The following DPF3 variants were observed in gnomAD, a reference collection of about 807,000 sequenced individuals.
The protein encoded by DPF3 is double PHD fingers 3.
A neutral mutation model predicts 56.8 loss-of-function variants in DPF3; 18 were observed. The observed-to-expected ratio is 0.32, with a 90% CI of 0.22 to 0.47. DPF3 has a LOEUF of 0.47. DPF3 is among the 20% of genes least tolerant of loss of function. The pLI, the probability that DPF3 is intolerant of heterozygous loss-of-function variation, is 1.00. For missense variants in DPF3, 403 were observed against 488.8 expected (o/e 0.82, Z 1.65); for synonymous variants, 188 against 180.2 (o/e 1.04, Z -0.35).
chr14:72,676,371 C>T (rs1886908628), intron 7 of DPF3, among the ~76,000 whole-genome samples: 3 of 152,224 alleles, frequency 2.0e-5, no homozygotes, highest in African/African-American at 7.2e-5. Context: ...CTATAATTTT[C>T]AATTTCCTCC....
intron 1 of DPF3, among the ~76,000 whole-genome samples, chr14:72,797,684 C>G (rs1323973108): frequency 1.3e-5 from 2 of 152,122 alleles, no homozygotes; most frequent in African/African-American, 4.8e-5. Flanking sequence ...TCTTCCTAGC[C>G]AACATCCTTT....
chr14:72,643,458 G>A (rs762436502), intron 8 of DPF3, among the ~76,000 whole-genome samples: 15 of 152,246 alleles, frequency 9.9e-5, no homozygotes, highest in Non-Finnish European at 2.1e-4. Context: ...CCCTGGGGAA[G>A]AATTGCTCAG....
chr14:72,714,545 C>T, intron 5 of DPF3, 44 bp from the exon 6 acceptor site: 4 of 1,608,068 alleles, frequency 2.5e-6, no homozygotes, highest in Middle Eastern at 1.7e-4. Flanking sequence ...CCATGGTCAT[C>T]ACTACAGCTC....
At chr14:72,719,480 T>C (rs763796435) in intron 5 of DPF3, among the ~76,000 whole-genome samples, 2 of 152,188 alleles carry the variant, frequency 1.3e-5, no homozygotes, top group Non-Finnish European at 2.9e-5. Flanking sequence ...TCAGAATTTG[T>C]ATTTTAACAA....
At chr14:72,856,604 G>A (rs372895798) in intron 1 of DPF3, among the ~76,000 whole-genome samples, 1 of 152,338 alleles carries the variant, frequency 6.6e-6, no homozygotes, top group Non-Finnish European at 1.5e-5. Flanking sequence ...ATAATATTTT[G>A]AAAAGAGCAC....
chr14:72,646,801 C>T (rs1227951295), intron 8 of DPF3, among the ~76,000 whole-genome samples: 4 of 152,220 alleles, frequency 2.6e-5, no homozygotes, highest in Non-Finnish European at 5.9e-5. Context: ...TTTGGCGACC[C>T]GGCTGCTCTC....
chr14:72,621,650 G>C (rs749416510), intron 9 of DPF3, among the ~76,000 whole-genome samples: 1 of 152,206 alleles, frequency 6.6e-6, no homozygotes. Context: ...GATACCCAGT[G>C]GGGGAGAGGT....
rs79916797 is a variant in DPF3 at position 72,880,907 on chromosome 14, A to G, written c.32+13150T>C. 1.3e-3 allele frequency among the ~76,000 whole-genome samples: 195 copies of G among 152,318 alleles called. 8 individuals are homozygous for G. The South Asian group carries it at 0.035, about 27-fold the overall frequency. On this transcript the variant is annotated intron_variant, in intron 1 of 10. Transcript: ENST00000556509. ...GGAATAGGCATGAGAAGGGGAACTG[A>G]GGGTTAAAGGAGAAGGCAGCCTCCA...
At chr14:72,645,645 T>C (rs1031059695) in intron 8 of DPF3, among the ~76,000 whole-genome samples, 3 of 152,216 alleles carry the variant, frequency 2.0e-5, no homozygotes, top group African/African-American at 2.4e-5. Context: ...GCCTGCAGCA[T>C]GAAGTAAGCT....
chr14:72,784,452 T>C (rs1173448102), intron 1 of DPF3, among the ~76,000 whole-genome samples: 2 of 152,160 alleles, frequency 1.3e-5, no homozygotes, highest in East Asian at 3.8e-4. Flanking sequence ...GGAAATCTCA[T>C]TTTCTTCTCA....
chr14:72,765,819 CAGG>C (rs1196523685), intron 2 of DPF3, among the ~76,000 whole-genome samples: 1 of 152,054 alleles, frequency 6.6e-6, no homozygotes, highest in Non-Finnish European at 1.5e-5. Flanking sequence ...GAGGCTGAGG[CAGG>C]AGAATGGCGT....
intron 1 of DPF3, among the ~76,000 whole-genome samples, chr14:72,794,483 A>C (rs1892559188): frequency 6.6e-6 from 1 of 152,232 alleles, no homozygotes; most frequent in African/African-American, 2.4e-5. Context: ...CGGGGTCAGC[A>C]GTCAGAAGCA....
At chr14:72,650,178 G>C (rs1273023063) in intron 8 of DPF3, among the ~76,000 whole-genome samples, 1 of 152,078 alleles carries the variant, frequency 6.6e-6, no homozygotes. Context: ...TGGGGATGAG[G>C]GGGGACTGCT....
At chr14:72,650,617 T>C (rs993973251) in intron 8 of DPF3, among the ~76,000 whole-genome samples, 1 of 152,238 alleles carries the variant, frequency 6.6e-6, no homozygotes, top group Non-Finnish European at 1.5e-5. Flanking sequence ...CAGCCAATGC[T>C]GTGACCAGCG....
Position 72,614,133 on chromosome 14 carries a change from C to T in DPF3, c.*5164G>A, listed in dbSNP as rs1013122436. 4.6e-5 allele frequency among the ~76,000 whole-genome samples: 7 copies of T among 152,192 alleles called. No individual in the cohort carries two copies. Among genetic ancestry groups the T allele is most frequent in the African/African-American group, 1.7e-4 (7 of 41,450 alleles). ...CCACACTCAGGGCTGGTGGCCGTGG[C>T]CTCTGGCAGAGAATCATAAGCAGAC... On this transcript the variant is annotated 3_prime_UTR_variant, in exon 11 of 11. Coordinates refer to ENST00000556509, the MANE Select transcript of DPF3 (RefSeq NM_001280542.3).
chr14:72,626,925 C>CTTT (rs201737812), intron 9 of DPF3, among the ~76,000 whole-genome samples: 32 of 139,770 alleles, frequency 2.3e-4, no homozygotes, highest in African/African-American at 6.5e-4. Flanking sequence ...TGCATTTGAA[C>CTTT]TTTTTTTTTT....
chr14:72,803,802 G>A (rs1045819298), intron 1 of DPF3, among the ~76,000 whole-genome samples: 1 of 152,200 alleles, frequency 6.6e-6, no homozygotes, highest in Non-Finnish European at 1.5e-5. Context: ...CCCAGAAAGT[G>A]TCAAGAGCTT....
At chr14:72,761,750 C>A (rs1273547271) in intron 2 of DPF3, among the ~76,000 whole-genome samples, 1 of 151,564 alleles carries the variant, frequency 6.6e-6, no homozygotes, top group Admixed American at 6.6e-5. Context: ...AAGATCAGAG[C>A]AGAAAAAACA....
At chr14:72,683,198 A>AC (rs965283416) in intron 7 of DPF3, among the ~76,000 whole-genome samples, 4 of 151,972 alleles carry the variant, frequency 2.6e-5, no homozygotes, top group African/African-American at 9.7e-5. Context: ...GTGGTGGTGC[A>AC]CACCTGTAAT....
Sources: allele counts gnomAD v4.1 joint callset (sites outside exome capture counted in the v4.1 genomes callset), GRCh38; gene constraint gnomAD v4.1.1; transcripts MANE v1.5; gene names NCBI Gene and HGNC (gene_info 2026-07-23, HGNC 2026-07-21).